The following CD44 variants were observed in gnomAD, a reference collection of about 807,000 sequenced individuals.
The protein encoded by CD44 is CD44 molecule (IN blood group).
A neutral mutation model predicts 88.8 loss-of-function variants in CD44; 49 were observed. The ratio of observed to expected loss-of-function variants is 0.55; its 90% CI spans 0.44 to 0.70. CD44 has a LOEUF of 0.70. Among genes scored for constraint, CD44 ranks in the 30% least tolerant of loss-of-function variants. The pLI, the probability that CD44 is intolerant of heterozygous loss-of-function variation, is 0.00. For missense variants in CD44, 883 were observed against 913.8 expected, an observed-to-expected ratio of 0.97 and a Z score of 0.43; for synonymous variants, 325 against 312.3, an observed-to-expected ratio of 1.04 and a Z score of -0.43.
rs998089252 is a variant in CD44 at position 35,155,315 on chromosome 11, C to CT, written c.67+15952dup. 5.3e-5 allele frequency among the ~76,000 whole-genome samples: 8 copies of CT among 152,144 alleles called. No homozygotes were observed. In the East Asian group the frequency reaches 9.6e-4, roughly 18 times the overall value. ...TTGCACTTCAGGTAGAATAGAATAA[C>CT]TTTTTTTGCATTGGTAACAATGTGG... On this transcript the variant is annotated intron_variant, in intron 1 of 17. Transcript: ENST00000428726.
chr11:35,139,668 C>G (rs888521367), intron 1 of CD44: 7 of 661,904 alleles, frequency 1.1e-5, no homozygotes, highest in Non-Finnish European at 2.0e-5. Flanking sequence ...AGAAAGTAAC[C>G]GTTCTCCCGG....
intron 17 of CD44, chr11:35,222,292 G>T: frequency 1.6e-6 from 1 of 639,256 alleles, no homozygotes; most frequent in Non-Finnish European, 2.6e-6. Context: ...TTTGTTTGTC[G>T]TTTGTTTTTT....
chr11:35,203,516 G>A (rs989042868), intron 9 of CD44, among the ~76,000 whole-genome samples: 2 of 152,012 alleles, frequency 1.3e-5, no homozygotes, highest in African/African-American at 4.8e-5. Context: ...CCTCCTCCTG[G>A]ATAACCAGTT....
chr11:35,175,075 T>TA (rs1591055224), intron 1 of CD44, among the ~76,000 whole-genome samples: 4 of 151,892 alleles, frequency 2.6e-5, no homozygotes, highest in East Asian at 1.9e-4. Context: ...TTCTGAATGA[T>TA]AAAAAAAATG....
chr11:35,175,550 A>G (rs779979734), intron 1 of CD44, among the ~76,000 whole-genome samples: 18 of 152,270 alleles, frequency 1.2e-4, no homozygotes, highest in Non-Finnish European at 1.9e-4. Context: ...GTGTGTATTC[A>G]GTAAACAAAC....
At position 35,199,653 on chromosome 11, in the gene CD44, A is replaced by AT. The variant is rs369231906; in HGVS notation, c.922+1417dup. 5.9e-3 allele frequency among the ~76,000 whole-genome samples: 888 copies of AT among 150,346 alleles called. 5 individuals are homozygous for AT. The highest frequency in any genetic ancestry group is 7.2e-3 in the Admixed American group (109 of 15,076). On this transcript the variant is annotated intron_variant, in intron 7 of 17. Coordinates refer to ENST00000428726, the MANE Select transcript of CD44 (RefSeq NM_000610.4). Reference sequence around the variant, plus strand: ...AATTTTCTATCTAAACTTTTAAGTGATTTTTTTTTTAGACCCGACACCCCT... The same window carrying AT: ...AATTTTCTATCTAAACTTTTAAGTGATTTTTTTTTTTAGACCCGACACCCCT...
At position 35,208,164 on chromosome 11, in the gene CD44, GTGGAAGATT is replaced by G. The variant is rs768678818; in HGVS notation, c.1479_1487del (p.Glu493_Leu495del). 6.2e-7 allele frequency: 1 copy of G among 1,613,356 alleles called. No individual in the cohort carries two copies. Among genetic ancestry groups the G allele is most frequent in the Non-Finnish European group, 8.5e-7 (1 of 1,179,326 alleles). On this transcript the variant is annotated inframe_deletion, in exon 12 of 18. Coordinates refer to ENST00000428726, the MANE Select transcript of CD44 (RefSeq NM_000610.4). ...TACTGCAAATCCAAACACAGGTTTG[GTGGAAGATT>G]TGGACAGGACAGGACCTCTTTCAAT...
At position 35,153,132 on chromosome 11, in the gene CD44, A is replaced by G. The variant is rs113237198; in HGVS notation, c.67+13762A>G. ...TGCAAGTGACTTTCCCAAGGTCACA[A>G]AACTAATTGGTGGCAAAACCGTGGT... On this transcript the variant is annotated intron_variant, in intron 1 of 17. Transcript: ENST00000428726. 1.3e-3 allele frequency among the ~76,000 whole-genome samples: 204 copies of G among 152,352 alleles called. 1 individual carries two copies. Among genetic ancestry groups the G allele is most frequent in the African/African-American group, 4.5e-3 (189 of 41,582 alleles).
chr11:35,183,097 TC>T (rs1167172621), intron 3 of CD44, among the ~76,000 whole-genome samples: 2 of 152,206 alleles, frequency 1.3e-5, no homozygotes, highest in African/African-American at 4.8e-5. Context: ...GGGGGTATGT[TC>T]CTTACTAAAA....
chr11:35,174,470 G>A (rs1944237056), intron 1 of CD44, among the ~76,000 whole-genome samples: 1 of 152,148 alleles, frequency 6.6e-6, no homozygotes, highest in South Asian at 2.1e-4. Context: ...AGCTTCACCA[G>A]GATAGTTTCA....
intron 1 of CD44, among the ~76,000 whole-genome samples, chr11:35,173,232 G>C (rs577754801): frequency 1.3e-5 from 2 of 152,314 alleles, no homozygotes; most frequent in African/African-American, 4.8e-5. Context: ...CCTGGAATCA[G>C]AGGCTCCCCT....
chr11:35,161,110 G>A (rs1163859438), intron 1 of CD44, among the ~76,000 whole-genome samples: 1 of 152,196 alleles, frequency 6.6e-6, no homozygotes, highest in African/African-American at 2.4e-5. Flanking sequence ...GTTAGAGTAA[G>A]AGGCACTTTA....
chr11:35,143,190 C>T (rs1014437455), intron 1 of CD44, among the ~76,000 whole-genome samples: 2 of 151,826 alleles, frequency 1.3e-5, no homozygotes, highest in South Asian at 2.1e-4. Flanking sequence ...TGTTGGTGTT[C>T]GACAATGATT....
At chr11:35,216,532 G>C (rs898272518) in intron 15 of CD44, among the ~76,000 whole-genome samples, 1 of 152,216 alleles carries the variant, frequency 6.6e-6, no homozygotes, top group Admixed American at 6.5e-5. Context: ...CATTAGAAAT[G>C]CTTCTGAAAT....
chr11:35,197,951 G>A (rs767947023), intron 6 of CD44, 170 bp from the exon 7 acceptor site: 2 of 561,832 alleles, frequency 3.6e-6, no homozygotes, highest in South Asian at 5.7e-5. Flanking sequence ...TGAGATTTAT[G>A]TATTAGCTTC....
intron 15 of CD44, among the ~76,000 whole-genome samples, chr11:35,216,339 A>G (rs1299710132): frequency 6.6e-6 from 1 of 152,172 alleles, no homozygotes; most frequent in African/African-American, 2.4e-5. Flanking sequence ...TCATAAATCC[A>G]GGTGACCCCA....
intron 1 of CD44, among the ~76,000 whole-genome samples, chr11:35,175,489 C>T (rs1418729755): frequency 6.6e-6 from 1 of 152,126 alleles, no homozygotes; most frequent in Non-Finnish European, 1.5e-5. Flanking sequence ...TAGATACATA[C>T]TTTATGTATA....
chr11:35,155,026 A>G (rs539165455), intron 1 of CD44, among the ~76,000 whole-genome samples: 1 of 152,290 alleles, frequency 6.6e-6, no homozygotes, highest in African/African-American at 2.4e-5. Context: ...GAAAAAAAAA[A>G]TCAATATTTA....
At chr11:35,201,831 T>C (rs1409724714) in intron 9 of CD44, 44 bp downstream of exon 9, 18 of 1,596,398 alleles carry the variant, frequency 1.1e-5, no homozygotes, top group Middle Eastern at 3.3e-4. Context: ...GATGAATTAG[T>C]AAAGACATTC....
Sources: allele counts gnomAD v4.1 joint callset (sites outside exome capture counted in the v4.1 genomes callset), GRCh38; gene constraint gnomAD v4.1.1; transcripts MANE v1.5; gene names NCBI Gene and HGNC (gene_info 2026-07-23, HGNC 2026-07-21).